Variants in KLHL21 observed in about 807,000 individuals in gnomAD.
KLHL21 encodes the protein kelch like family member 21, also known as kelch-like protein 21.
In KLHL21, 42 loss-of-function variants were observed where a neutral mutation model predicts 44.1. That is an observed-to-expected ratio of 0.95 (90% CI 0.74 to 1.23). The LOEUF is 1.23. KLHL21 is among the 50% of genes most tolerant of loss of function. The pLI is 0.00. For synonymous variants in KLHL21, 524 were observed against 411.6 expected, an observed-to-expected ratio of 1.27 and a Z score of -3.31; for missense variants, 918 against 889.1, an observed-to-expected ratio of 1.03 and a Z score of -0.41.
Position 6,602,704 on chromosome 1 carries a change from G to T in KLHL21, c.114C>A (p.Thr38=), listed in dbSNP as rs747658836. 1.7e-5 allele frequency: 26 copies of T among 1,514,130 alleles called. No individual in the cohort carries two copies. The African/African-American group carries it at 3.6e-4, about 21-fold the overall frequency. The allele number at this position is 1,514,130 out of a possible 1,614,324, so 93.8% of individuals were successfully genotyped here. ...AGTCGCGCCCGCCCGCCGCCTCCAG[G>T]GTCACGTCCAGGAACTTGCGCTCGG... ...LRAERKFLDV[T]LEAAGGRDFP... is the part of the protein sequence containing the mutation. Residue 38 remains threonine (T), a synonymous_variant, in exon 1 of 4, where the codon ACC becomes ACA. Coordinates refer to ENST00000377658, the MANE Select transcript of KLHL21 (RefSeq NM_014851.4).
Position 6,593,480 on chromosome 1 carries a change from C to A in KLHL21, c.1679G>T (p.Arg560Leu). ...TFWHGSVSIF[R>L]QFMPQTFSGG... ...CGAGAAGGTCTGGGGCATGAACTGG[C>A]GGAAGATGCTGACACTGCCATGCCA... Residue 560 changes from arginine (R) to leucine (L), a missense_variant, in exon 4 of 4, where the codon CGC becomes CTC. Transcript: ENST00000377658. The A allele has an allele frequency of 1.2e-6, 2 of 1,613,782 alleles. No individual in the cohort carries two copies. The highest frequency in any genetic ancestry group is 1.7e-6 in the Non-Finnish European group (2 of 1,180,008).
In KLHL21 at chr1:6,593,635, G is replaced by A. The variant is rs199987098; in HGVS notation, c.1524C>T (p.Ala508=). Residue 508 remains alanine, a synonymous_variant, in exon 4 of 4, where the codon GCC becomes GCT. Coordinates refer to ENST00000377658, the MANE Select transcript of KLHL21 (RefSeq NM_014851.4). ...AGACGTACAGCTTCCCCCCAAGGAC[G>A]GCCAGGCTGCCCCCCACATGTACCT... is the stretch of plus-strand genomic sequence containing the variant. The part of the protein sequence containing the change: ...MNQVHVGGSL[A]VLGGKLYVSG... The A allele has an allele frequency of 3.1e-5, 50 of 1,587,308 alleles. No homozygotes were observed. Among genetic ancestry groups the A allele is most frequent in the Non-Finnish European group, 3.7e-5 (43 of 1,163,604 alleles).
At position 6,601,900 on chromosome 1, in the gene KLHL21, G is replaced by C. The variant is rs1641027176; in HGVS notation, c.918C>G (p.Cys306Trp). The change falls in exon 1 of 4, where the codon TGC becomes TGG. Residue 306 changes from cysteine (C) to tryptophan (W), a missense_variant. Physicochemically the swap from Cys to Trp is radical, Grantham distance 215. Transcript: ENST00000377658. ...GCCACTGACCCGTCTGCGGGTTGTA[G>C]CAGTCGACAGTGACCAGCTCGTCAC... Reference protein sequence around the residue: ...QDCDELVTVDCYNPQTGQWRY... With the variant: ...QDCDELVTVDWYNPQTGQWRY... 1 of 1,566,498 alleles carries C rather than the reference G, an allele frequency of 6.4e-7. No homozygotes were observed. Among genetic ancestry groups the C allele is most frequent in the South Asian group, 1.2e-5 (1 of 85,324 alleles).
At position 6,602,666 on chromosome 1, in the gene KLHL21, C is replaced by A; in HGVS notation, c.152G>T (p.Arg51Leu). The A allele has an allele frequency of 6.6e-7, 1 of 1,512,022 alleles. No individual in the cohort carries two copies. Among genetic ancestry groups the A allele is most frequent in the Non-Finnish European group, 8.8e-7 (1 of 1,137,798 alleles). 93.7% of individuals were successfully genotyped at this position (1,512,022 alleles called of 1,614,324 possible). ...GGGGCTGGCGGCGGCCAGCACCGCACGGTGCGCCGGGAAGTCGCGCCCGCC... is the reference window on the plus strand; with the variant it reads ...GGGGCTGGCGGCGGCCAGCACCGCAAGGTGCGCCGGGAAGTCGCGCCCGCC... ...AAGGRDFPAH[R>L]AVLAAASPYF... The change falls in exon 1 of 4, where the codon CGT (arginine) becomes CTT (leucine). Residue 51 changes from arginine (R) to leucine (L), a missense_variant. By Grantham distance (102) the Arg-to-Leu change is moderately radical. Transcript: ENST00000377658.
chr1:6,601,150 G>A (rs531468097), intron 1 of KLHL21, among the ~76,000 whole-genome samples: 1 of 152,334 alleles, frequency 6.6e-6, no homozygotes, highest in Admixed American at 6.5e-5. Context: ...AATAAAAACC[G>A]TAGAAGCCCA....
At position 6,591,320 on chromosome 1, in the gene KLHL21, G is replaced by A. The variant is rs1443598449; in HGVS notation, c.*2045C>T. 6 of 279,646 alleles carry A rather than the reference G, an allele frequency of 2.1e-5. No homozygotes were observed. Among genetic ancestry groups the A allele is most frequent in the Non-Finnish European group, 4.0e-5 (6 of 151,356 alleles). The allele number at this position is 279,646 out of a possible 1,614,324, so 17.3% of individuals were successfully genotyped here. A position where few individuals can be genotyped will look rare whatever the true frequency, so the allele number is the denominator to read the frequency against. Reference sequence around the variant, plus strand: ...AAGCGCAGCTCTCCTGCACTGGCTCGCACCACAGCCCTCATCTGAGTGGCC... The same window carrying A: ...AAGCGCAGCTCTCCTGCACTGGCTCACACCACAGCCCTCATCTGAGTGGCC... On this transcript the variant is annotated 3_prime_UTR_variant, in exon 4 of 4. Coordinates refer to ENST00000377658, the MANE Select transcript of KLHL21 (RefSeq NM_014851.4).
At chr1:6,593,793 A>G in intron 3 of KLHL21, 135 bp from the exon 4 acceptor site, 2 of 1,397,828 alleles carry the variant, frequency 1.4e-6, no homozygotes, top group Non-Finnish European at 9.3e-7. Flanking sequence ...AGAAAGCAGC[A>G]GAGAGGCCAA....
Position 6,599,295 on chromosome 1 carries a change from C to T in KLHL21, c.1179G>A (p.Glu393=). Residue 393 remains glutamate (E), a synonymous_variant, in exon 2 of 4, where the codon GAG becomes GAA. Transcript: ENST00000377658. ...AGGAGTCAGTGGTGTGGTCATAGCG[C>T]TCGGTGCTGTCGGCGGCCACCACGT... The part of the protein sequence containing the change: ...LLYVVAADST[E]RYDHTTDSWE... 1 of 1,614,014 alleles carries T rather than the reference C, an allele frequency of 6.2e-7. No homozygotes were observed. Among genetic ancestry groups the T allele is most frequent in the Non-Finnish European group, 8.5e-7 (1 of 1,180,028 alleles).
Position 6,591,074 on chromosome 1 carries a change from G to T in KLHL21, c.*2291C>A. On this transcript the variant is annotated 3_prime_UTR_variant, in exon 4 of 4. Coordinates refer to ENST00000377658, the MANE Select transcript of KLHL21 (RefSeq NM_014851.4). ...CAGTGTAAAGACATCCTTAAGTGGT[G>T]GAGACATGACAGCCCAGAACCCACA... The T allele has an allele frequency of 2.5e-6, 1 of 398,640 alleles. No individual in the cohort carries two copies. The allele number at this position is 398,640 out of a possible 1,614,324, so 24.7% of individuals were successfully genotyped here.
Position 6,599,436 on chromosome 1 carries a change from G to A in KLHL21, c.1038C>T (p.Ser346=), listed in dbSNP as rs1239792846. ...DIYVTGGSDG[S]RLYDCVWRYN... ...ACCTCCACACGCAGTCATAGAGCCG[G>A]GAGCCATCGGACCCACCTGCCAGGA... Residue 346 remains serine, a synonymous_variant, in exon 2 of 4, where the codon TCC becomes TCT. Transcript: ENST00000377658. 6 of 1,606,024 alleles carry A rather than the reference G, an allele frequency of 3.7e-6. No individual in the cohort carries two copies. The highest frequency in any genetic ancestry group is 5.1e-6 in the Non-Finnish European group (6 of 1,175,102).
At chr1:6,595,781 C>T (rs1362118414) in intron 2 of KLHL21, among the ~76,000 whole-genome samples, 2 of 152,216 alleles carry the variant, frequency 1.3e-5, no homozygotes, top group Non-Finnish European at 2.9e-5. Flanking sequence ...CCAGAACTCT[C>T]ACTCCCAAAC....
chr1:6,599,051 C>G lies in KLHL21; in HGVS notation c.1423G>C (p.Val475Leu). The G allele has an allele frequency of 2.5e-6, 4 of 1,575,138 alleles. No homozygotes were observed. The highest frequency in any genetic ancestry group is 3.5e-6 in the Non-Finnish European group (4 of 1,158,134). Reference sequence around the variant, plus strand: ...GGCTCGGCACCTGGAACTCACCTGACAAAGTACATGAGTCCGTTTAGAGTC... The same window carrying G: ...GGCTCGGCACCTGGAACTCACCTGAGAAAGTACATGAGTCCGTTTAGAGTC... ...TATLNGLMYF[V>L]RDDSAEVDVY... The change falls in exon 2 of 4, where the codon GTC becomes CTC. Residue 475 changes from valine (V) to leucine (L), a missense_variant. Transcript: ENST00000377658.
intron 3 of KLHL21, 96 bp from the exon 4 acceptor site, chr1:6,593,754 T>G: frequency 6.9e-7 from 1 of 1,447,962 alleles, no homozygotes; most frequent in South Asian, 1.5e-5. Flanking sequence ...GCCCTGTCAG[T>G]ACCCCAGAGG....
rs140251723 is a variant in KLHL21, at chr1:6,599,114, C to T, written c.1360G>A (p.Gly454Ser). The change falls in exon 2 of 4, where the codon GGC becomes AGC. Residue 454 changes from glycine (G) to serine (S), a missense_variant. Coordinates refer to ENST00000377658, the MANE Select transcript of KLHL21 (RefSeq NM_014851.4). The stretch of plus-strand genomic sequence containing the variant: ...GCGAAGGACCAGGGCGGGAGCTGGC[C>T]GCAGTCCACCAGCGACCACAGGTCG... ...DTDLWSLVDCGQLPPWSFAPK... is the reference protein window; with the variant it reads ...DTDLWSLVDCSQLPPWSFAPK... 5.0e-6 allele frequency: 8 copies of T among 1,613,014 alleles called. No individual in the cohort carries two copies. Among genetic ancestry groups the T allele is most frequent in the African/African-American group, 1.3e-5 (1 of 74,930 alleles).
chr1:6,598,635 C>A (rs1640961895), intron 2 of KLHL21, among the ~76,000 whole-genome samples: 1 of 152,184 alleles, frequency 6.6e-6, no homozygotes, highest in Non-Finnish European at 1.5e-5. Context: ...GTAATCCCAG[C>A]ACTTTGGGAG....
At position 6,602,838 on chromosome 1, in the gene KLHL21, G is replaced by T. The variant is rs972183713; in HGVS notation, c.-21C>A. 5.0e-5 allele frequency: 70 copies of T among 1,407,946 alleles called. No homozygotes were observed. The highest frequency in any genetic ancestry group is 5.8e-5 in the Non-Finnish European group (63 of 1,091,278). 87.2% of individuals were successfully genotyped at this position (1,407,946 alleles called of 1,614,324 possible). On this transcript the variant is annotated 5_prime_UTR_variant, in exon 1 of 4. Coordinates refer to ENST00000377658, the MANE Select transcript of KLHL21 (RefSeq NM_014851.4). The stretch of plus-strand genomic sequence containing the variant: ...TCCATGGCGCCTTCGATAGGTTGTC[G>T]AGGACGCCGCGGCCGGGGCCTGCGG...
Position 6,602,294 on chromosome 1 carries a change from C to T in KLHL21, c.524G>A (p.Arg175Gln). ...GCGCAGCAGGCGCGCCAGTGGCAGCCGCTCCAGCTGCTCGGCGCCCAGCTC... is the reference window on the plus strand; with the variant it reads ...GCGCAGCAGGCGCGCCAGTGGCAGCTGCTCCAGCTGCTCGGCGCCCAGCTC... ...VGELGAEQLE[R>Q]LPLARLLRYL... The change falls in exon 1 of 4, where the codon CGG (arginine) becomes CAG (glutamine). Residue 175 changes from arginine to glutamine, a missense_variant. By Grantham distance (43) the Arg-to-Gln change is conservative. Coordinates refer to ENST00000377658, the MANE Select transcript of KLHL21 (RefSeq NM_014851.4). 1.3e-6 allele frequency: 2 copies of T among 1,556,466 alleles called. No homozygotes were observed. Among genetic ancestry groups the T allele is most frequent in the African/African-American group, 2.7e-5 (2 of 73,400 alleles).
intron 2 of KLHL21, among the ~76,000 whole-genome samples, chr1:6,596,766 G>A (rs1011150163): frequency 3.2e-4 from 49 of 152,226 alleles, no homozygotes; most frequent in African/African-American, 1.1e-3. Context: ...AGGCTGGACA[G>A]AGCTCGCCGG....
At position 6,595,277 on chromosome 1, in the gene KLHL21, G is replaced by T. The variant is rs958454737; in HGVS notation, c.1500+208C>A. 5 of 660,142 alleles carry T rather than the reference G, an allele frequency of 7.6e-6. No homozygotes were observed. In the African/African-American group the frequency reaches 8.9e-5, roughly 12 times the overall value. 40.9% of individuals were successfully genotyped at this position (660,142 alleles called of 1,614,324 possible). A position where few individuals can be genotyped will look rare whatever the true frequency, so the allele number is the denominator to read the frequency against. On this transcript the variant is annotated intron_variant, in intron 3 of 3. Coordinates refer to ENST00000377658, the MANE Select transcript of KLHL21 (RefSeq NM_014851.4). Reference sequence around the variant, plus strand: ...TACTCAATAAACACTGCTCAAATGTGTACTAAGCTGTGTAATCATAGGGTA... The same window carrying T: ...TACTCAATAAACACTGCTCAAATGTTTACTAAGCTGTGTAATCATAGGGTA...
Sources: allele counts gnomAD v4.1 joint callset (sites outside exome capture counted in the v4.1 genomes callset), GRCh38; gene constraint gnomAD v4.1.1; transcripts MANE v1.5; gene names NCBI Gene and HGNC (gene_info 2026-07-23, HGNC 2026-07-21).